SIPA1L3: variants seen among roughly 807,000 people sequenced by gnomAD.
SIPA1L3 encodes signal induced proliferation associated 1 like 3.
A neutral mutation model predicts 150.1 loss-of-function variants in SIPA1L3; 59 were observed. That is an observed-to-expected ratio of 0.39 (90% CI 0.32 to 0.49). SIPA1L3 has a LOEUF of 0.49. SIPA1L3 is among the 20% of genes least tolerant of loss of function. The pLI is 0.86. For synonymous variants in SIPA1L3, 1,070 were observed against 1,077.6 expected (o/e 0.99, Z 0.14); for missense variants, 2,211 against 2,489.5 (o/e 0.89, Z 2.38).
chr19:38,100,253 T>A, intron 5 of SIPA1L3, 103 bp downstream of exon 5: 1 of 916,478 alleles, frequency 1.1e-6, no homozygotes, highest in Non-Finnish European at 1.5e-6. Flanking sequence ...TCTTTGCAAG[T>A]AACAGAAACC....
Position 38,014,306 on chromosome 19 carries a change from C to T in SIPA1L3, c.-378-14783C>T, listed in dbSNP as rs140149479. On this transcript the variant is annotated intron_variant, in intron 1 of 21. Transcript: ENST00000222345. The stretch of plus-strand genomic sequence containing the variant: ...GGCAATCTGACTGATTTCCCAGTCA[C>T]TTGGTGGGATGAACTAAGCGGAGTT... 3.0e-3 allele frequency among the ~76,000 whole-genome samples: 458 copies of T among 152,296 alleles called. 3 individuals are homozygous for T. The highest frequency in any genetic ancestry group is 0.011 in the African/African-American group (440 of 41,562).
rs1360204998 is a variant in SIPA1L3 at position 38,123,832 on chromosome 19, T to C, written c.2868+3950T>C. 2.7e-5 allele frequency among the ~76,000 whole-genome samples: 3 copies of C among 109,684 alleles called. No individual in the cohort carries two copies. In the East Asian group the frequency reaches 8.2e-4, roughly 30 times the overall value. 72.0% of individuals were successfully genotyped at this position (109,684 alleles called of 152,430 possible). A position where few individuals can be genotyped will look rare whatever the true frequency, so the allele number is the denominator to read the frequency against. ...GGCAGAGGGGCTCCTCACTTCCCAG[T>C]AGGGGTGGCCGGGCAGAGGCGCCCC... On this transcript the variant is annotated intron_variant, in intron 9 of 21. Transcript: ENST00000222345.
chr19:38,102,504 C>A (rs1452667242), intron 6 of SIPA1L3, among the ~76,000 whole-genome samples: 2 of 151,030 alleles, frequency 1.3e-5, no homozygotes, highest in African/African-American at 4.9e-5. Flanking sequence ...CACCTGTAAT[C>A]CCAACATTTT....
chr19:38,074,443 C>T (rs1435869052), intron 2 of SIPA1L3, among the ~76,000 whole-genome samples: 1 of 151,264 alleles, frequency 6.6e-6, no homozygotes, highest in Non-Finnish European at 1.5e-5. Flanking sequence ...AAGGACTAAT[C>T]CTCCCTCCGC....
At chr19:38,121,661 C>G (rs1308297200) in intron 9 of SIPA1L3, among the ~76,000 whole-genome samples, 1 of 151,452 alleles carries the variant, frequency 6.6e-6, no homozygotes, top group East Asian at 2.0e-4. Flanking sequence ...ATGGCGTGAA[C>G]CTGGGAGGCG....
At chr19:38,109,750 T>C (rs942342753) in intron 7 of SIPA1L3, 1 of 164,228 alleles carries the variant, frequency 6.1e-6, no homozygotes, top group Non-Finnish European at 1.3e-5. Flanking sequence ...CTCATGGAGC[T>C]GCCACTTCAA....
intron 1 of SIPA1L3, among the ~76,000 whole-genome samples, chr19:37,922,200 C>T (rs1338532257): frequency 6.6e-6 from 1 of 152,168 alleles, no homozygotes; most frequent in Admixed American, 6.5e-5. Context: ...ATTCTCCTGC[C>T]TCAGCCTCCC....
At chr19:38,012,156 G>A (rs930093797) in intron 1 of SIPA1L3, among the ~76,000 whole-genome samples, 4 of 150,938 alleles carry the variant, frequency 2.7e-5, no homozygotes, top group Admixed American at 2.6e-4. Flanking sequence ...ATGTGATCTC[G>A]GCTTGCTGCA....
Position 38,119,579 on chromosome 19 carries a change from A to G in SIPA1L3, c.2565A>G (p.Glu855=). 6.2e-7 allele frequency: 1 copy of G among 1,614,230 alleles called. No individual in the cohort carries two copies. The highest frequency in any genetic ancestry group is 8.5e-7 in the Non-Finnish European group (1 of 1,180,040). The change falls in exon 9 of 22, where the codon GAA becomes GAG. Residue 855 remains glutamate (E), a synonymous_variant. Coordinates refer to ENST00000222345, the MANE Select transcript of SIPA1L3 (RefSeq NM_015073.3). ...TCTCCCTGACCTCCAAGAAGAAGGA[A>G]AAGACAAAAGCACGGGCTGGCGCTG... ...NLISLTSKKK[E]KTKARAGAEQ... is the part of the protein sequence containing the mutation.
chr19:38,182,839 G>A (rs1276764839), intron 16 of SIPA1L3, 99 bp downstream of exon 16: 13 of 913,322 alleles, frequency 1.4e-5, no homozygotes, highest in Middle Eastern at 6.9e-4. Flanking sequence ...TTGCACAGAC[G>A]ACTGTGGGCC....
At chr19:38,017,965 G>A (rs373226468) in intron 1 of SIPA1L3, among the ~76,000 whole-genome samples, 2 of 152,058 alleles carry the variant, frequency 1.3e-5, no homozygotes, top group Middle Eastern at 6.8e-3. Flanking sequence ...GCCACACAGC[G>A]CCTCGAGCAC....
chr19:38,142,535 C>T, intron 11 of SIPA1L3, 38 bp from the exon 12 acceptor site: 1 of 1,576,750 alleles, frequency 6.3e-7, no homozygotes, highest in Non-Finnish European at 8.7e-7. Flanking sequence ...TACCCTCCTA[C>T]TCACCCTCTG....
In SIPA1L3 at chr19:37,951,615, C is replaced by T. The variant is rs577469119; in HGVS notation, c.-379+44257C>T. ...AAAAAAAACAACTTAAAAAAAGCCC[C>T]GGGCCAGGCGCAGCGGCTCACACCT... On this transcript the variant is annotated intron_variant, in intron 1 of 21. Transcript: ENST00000222345. Among the ~76,000 whole-genome samples, 13 of 152,078 alleles carry T rather than the reference C, an allele frequency of 8.5e-5. No homozygotes were observed. In the South Asian group the frequency reaches 1.0e-3, roughly 12 times the overall value.
chr19:37,940,115 T>C (rs62112289), intron 1 of SIPA1L3, among the ~76,000 whole-genome samples: 1 of 151,472 alleles, frequency 6.6e-6, no homozygotes, highest in African/African-American at 2.4e-5. Context: ...AGATAAGGGG[T>C]GTGAAGAAAA....
intron 1 of SIPA1L3, among the ~76,000 whole-genome samples, chr19:37,977,442 T>C (rs755055383): frequency 4.6e-5 from 7 of 152,116 alleles, no homozygotes; most frequent in Admixed American, 1.3e-4. Flanking sequence ...AGTGCTGGGA[T>C]TACAGGCATG....
At chr19:37,992,124 G>C (rs968353866) in intron 1 of SIPA1L3, among the ~76,000 whole-genome samples, 2 of 152,066 alleles carry the variant, frequency 1.3e-5, no homozygotes, top group African/African-American at 4.8e-5. Flanking sequence ...TAGGCAAGTG[G>C]CTTTAGCCTC....
At chr19:38,139,887 GAGA>G (rs1053136361) in intron 10 of SIPA1L3, among the ~76,000 whole-genome samples, 11 of 152,150 alleles carry the variant, frequency 7.2e-5, no homozygotes, top group South Asian at 2.1e-4. Context: ...TACAGCAGAA[GAGA>G]AGAAGAGAGA....
At chr19:38,154,214 A>G (rs527440860) in intron 13 of SIPA1L3, among the ~76,000 whole-genome samples, 2 of 152,306 alleles carry the variant, frequency 1.3e-5, no homozygotes, top group East Asian at 3.9e-4. Flanking sequence ...GTGAATGTAC[A>G]TGGTATCGCA....
At chr19:37,960,093 A>C (rs759817622) in intron 1 of SIPA1L3, among the ~76,000 whole-genome samples, 1 of 152,174 alleles carries the variant, frequency 6.6e-6, no homozygotes, top group African/African-American at 2.4e-5. Context: ...ATATTTGCCC[A>C]TGTATTTACC....
Sources: gnomAD v4.1 joint callset for allele counts (sites outside exome capture counted in the v4.1 genomes callset) on GRCh38, gnomAD v4.1.1 for gene constraint, MANE v1.5 for transcripts, NCBI Gene and HGNC (gene_info 2026-07-23, HGNC 2026-07-21) for gene names.